Variants in DNAJC24 observed in about 807,000 individuals in gnomAD.
The protein encoded by DNAJC24 is dnaJ homolog subfamily C member 24.
In DNAJC24, 17 loss-of-function variants were observed where a neutral mutation model predicts 18.0. That is an observed-to-expected ratio of 0.94 (90% CI 0.65 to 1.42). The LOEUF (loss-of-function observed/expected upper bound fraction) is 1.42, where lower values mean the gene tolerates loss of function less well. Ranked by LOEUF, DNAJC24 falls within the 40% of genes most tolerant of loss-of-function variation. DNAJC24 has a pLI of 0.00. For synonymous variants in DNAJC24, 55 were observed against 57.7 expected (o/e 0.95, Z 0.21); for missense variants, 158 against 175.6 (o/e 0.90, Z 0.57).
chr11:31,374,387 T>C (rs1427935066), intron 2 of DNAJC24, among the ~76,000 whole-genome samples: 1 of 133,558 alleles, frequency 7.5e-6, no homozygotes, highest in Non-Finnish European at 1.7e-5. Flanking sequence ...AATTTGTTAA[T>C]GTGGTGAATC....
intron 2 of DNAJC24, among the ~76,000 whole-genome samples, chr11:31,378,950 C>G (rs1432225920): frequency 6.6e-6 from 1 of 152,082 alleles, no homozygotes; most frequent in Non-Finnish European, 1.5e-5. Context: ...TTAGCCATTT[C>G]CAGTAAAATT....
intron 2 of DNAJC24, among the ~76,000 whole-genome samples, chr11:31,395,436 G>A (rs568358546): frequency 1.3e-5 from 2 of 152,214 alleles, no homozygotes; most frequent in South Asian, 4.2e-4. Context: ...TGGTCGAATG[G>A]TAGTTCTGTT....
At chr11:31,402,809 T>C (rs1952612968) in intron 2 of DNAJC24, among the ~76,000 whole-genome samples, 1 of 152,194 alleles carries the variant, frequency 6.6e-6, no homozygotes, top group Non-Finnish European at 1.5e-5. Context: ...CACACCTGGT[T>C]CCACTTTATA....
At chr11:31,407,606 G>T (rs1481943418) in intron 2 of DNAJC24, 1 of 147,076 alleles carries the variant, frequency 6.8e-6, no homozygotes, top group African/African-American at 2.5e-5. Context: ...GATCGCTTGA[G>T]CCTGGGAGGC....
At chr11:31,372,127 CT>C (rs1169520898) in intron 2 of DNAJC24, among the ~76,000 whole-genome samples, 9 of 148,108 alleles carry the variant, frequency 6.1e-5, no homozygotes, top group Admixed American at 2.0e-4. Flanking sequence ...CCGGCCGACT[CT>C]TTTTTTTTTA....
intron 2 of DNAJC24, among the ~76,000 whole-genome samples, chr11:31,372,671 T>A (rs1952277154): frequency 7.4e-6 from 1 of 135,730 alleles, no homozygotes. Flanking sequence ...AGTAGGTAAA[T>A]CATTTCACAT....
chr11:31,385,521 C>A (rs1193764677), intron 2 of DNAJC24, among the ~76,000 whole-genome samples: 1 of 152,160 alleles, frequency 6.6e-6, no homozygotes, highest in African/African-American at 2.4e-5. Context: ...TAATCACTTA[C>A]TGTCCCACCA....
intron 2 of DNAJC24, among the ~76,000 whole-genome samples, chr11:31,391,680 G>A (rs938026938): frequency 3.3e-5 from 5 of 152,184 alleles, no homozygotes; most frequent in African/African-American, 1.2e-4. Context: ...CAACCAGTAT[G>A]GAGAACAGTT....
chr11:31,426,468 C>T (rs898301941), intron 4 of DNAJC24, 113 bp downstream of exon 4: 14 of 617,978 alleles, frequency 2.3e-5, no homozygotes, highest in Admixed American at 1.4e-4. Flanking sequence ...GTGTGGCTTT[C>T]TATATATATG....
At chr11:31,381,982 G>A (rs527664692) in intron 2 of DNAJC24, among the ~76,000 whole-genome samples, 5 of 152,042 alleles carry the variant, frequency 3.3e-5, no homozygotes, top group South Asian at 2.1e-4. Context: ...GTATATATTC[G>A]AATCTGTTTA....
At chr11:31,412,594 T>C (rs1352601704) in intron 2 of DNAJC24, among the ~76,000 whole-genome samples, 1 of 152,170 alleles carries the variant, frequency 6.6e-6, no homozygotes, top group Non-Finnish European at 1.5e-5. Context: ...AAAACCTCAG[T>C]ATAGAAATAA....
intron 4 of DNAJC24, among the ~76,000 whole-genome samples, chr11:31,428,831 A>T (rs1012270556): frequency 6.6e-6 from 1 of 152,176 alleles, no homozygotes; most frequent in Non-Finnish European, 1.5e-5. Flanking sequence ...TATAAGCAGA[A>T]CTTTTACAAG....
rs544893711 is a variant in DNAJC24, at chr11:31,413,554, G to A, written c.112-1257G>A. Among the ~76,000 whole-genome samples, 108 of 151,846 alleles carry A rather than the reference G, an allele frequency of 7.1e-4. No individual in the cohort carries two copies. In the Middle Eastern group the frequency reaches 0.02, roughly 29 times the overall value. ...TCACTGTGTTAGCCAGGATGGTCTCGATCTCCTGACCTTGTGATCCGCCCG... is the reference window on the plus strand; with the variant it reads ...TCACTGTGTTAGCCAGGATGGTCTCAATCTCCTGACCTTGTGATCCGCCCG... On this transcript the variant is annotated intron_variant, in intron 2 of 4. Transcript: ENST00000465995.
chr11:31,385,734 G>A (rs546676369), intron 2 of DNAJC24, among the ~76,000 whole-genome samples: 1 of 152,124 alleles, frequency 6.6e-6, no homozygotes, highest in East Asian at 1.9e-4. Flanking sequence ...TATTATTAAG[G>A]CCCAATCCTA....
At chr11:31,397,089 G>A (rs970332572) in intron 2 of DNAJC24, among the ~76,000 whole-genome samples, 3 of 152,016 alleles carry the variant, frequency 2.0e-5, no homozygotes, top group Admixed American at 6.6e-5. Context: ...TTCTCATGCT[G>A]TCATCTTATT....
At chr11:31,378,562 CA>C (rs1952342450) in intron 2 of DNAJC24, among the ~76,000 whole-genome samples, 1 of 151,914 alleles carries the variant, frequency 6.6e-6, no homozygotes, top group South Asian at 2.1e-4. Context: ...GATTAAGTAA[CA>C]TACTGACTAG....
At chr11:31,370,895 G>GA (rs768351705) in intron 2 of DNAJC24, 36 bp downstream of exon 2, 4 of 1,384,420 alleles carry the variant, frequency 2.9e-6, no homozygotes, top group South Asian at 2.6e-5. Context: ...ATCATGAGGG[G>GA]AAAAAAATCA....
intron 2 of DNAJC24, among the ~76,000 whole-genome samples, chr11:31,378,526 T>C (rs371743253): frequency 1.3e-5 from 2 of 152,286 alleles, no homozygotes; most frequent in East Asian, 3.9e-4. Context: ...ATTTCTAATA[T>C]ATAGATGGGT....
intron 4 of DNAJC24, among the ~76,000 whole-genome samples, chr11:31,429,236 A>G (rs1952894531): frequency 6.6e-6 from 1 of 152,156 alleles, no homozygotes. Context: ...AAAAAAAAAA[A>G]AAACACATAA....
Sources: gnomAD v4.1 joint callset for allele counts (sites outside exome capture counted in the v4.1 genomes callset) on GRCh38, gnomAD v4.1.1 for gene constraint, MANE v1.5 for transcripts, NCBI Gene and HGNC (gene_info 2026-07-23, HGNC 2026-07-21) for gene names.